WASF2: variants seen among roughly 807,000 people sequenced by gnomAD.
WASF2 encodes the protein actin-binding protein WASF2.
WASF2 carries 14 observed loss-of-function variants against 45.0 expected under a neutral mutation model. The ratio of observed to expected loss-of-function variants is 0.31; its 90% CI spans 0.21 to 0.49. The LOEUF (loss-of-function observed/expected upper bound fraction) is 0.49. Ranked by LOEUF, WASF2 falls within the 20% of genes least tolerant of loss-of-function variation. WASF2 has a pLI of 0.99. For synonymous variants in WASF2, 200 were observed against 236.3 expected (o/e 0.85, Z 1.41); for missense variants, 439 against 636.1 (o/e 0.69, Z 3.33).
chr1:27,468,643 G>A (rs1449721380), intron 1 of WASF2, among the ~76,000 whole-genome samples: 9 of 145,628 alleles, frequency 6.2e-5, no homozygotes, highest in East Asian at 4.1e-4. Flanking sequence ...CTCCGTCTCC[G>A]GGGAAAAAAA....
At chr1:27,458,855 G>A (rs1056809749) in intron 1 of WASF2, among the ~76,000 whole-genome samples, 2 of 151,936 alleles carry the variant, frequency 1.3e-5, no homozygotes, top group African/African-American at 4.8e-5. Flanking sequence ...GCCGAGCGCA[G>A]AGGCTCATGC....
At chr1:27,450,154 A>G (rs1311005689) in intron 1 of WASF2, among the ~76,000 whole-genome samples, 1 of 143,306 alleles carries the variant, frequency 7.0e-6, no homozygotes, top group African/African-American at 2.6e-5. Context: ...AAAAAAAGAA[A>G]AAAAAAATTA....
chr1:27,471,028 G>A (rs2148137481), intron 1 of WASF2, among the ~76,000 whole-genome samples: 1 of 152,316 alleles, frequency 6.6e-6, no homozygotes, highest in Non-Finnish European at 1.5e-5. Flanking sequence ...GTTACTGCAT[G>A]AAGGTTGTAA....
chr1:27,442,829 C>T (rs1004716635), intron 1 of WASF2, among the ~76,000 whole-genome samples: 4 of 151,606 alleles, frequency 2.6e-5, no homozygotes, highest in East Asian at 1.9e-4. Flanking sequence ...GGTGAAACCC[C>T]GTCTCTACTA....
intron 1 of WASF2, among the ~76,000 whole-genome samples, chr1:27,434,949 G>A (rs1488258357): frequency 3.9e-5 from 6 of 152,046 alleles, no homozygotes; most frequent in Non-Finnish European, 7.4e-5. Context: ...AAGTTATCAT[G>A]CAATTTTTTT....
At chr1:27,488,879 C>G (rs1419907174) in intron 1 of WASF2, among the ~76,000 whole-genome samples, 3 of 152,194 alleles carry the variant, frequency 2.0e-5, no homozygotes, top group Non-Finnish European at 4.4e-5. Context: ...GGGCAAATTA[C>G]TTAACTCCTC....
At chr1:27,477,904 A>AT (rs1350483321) in intron 1 of WASF2, among the ~76,000 whole-genome samples, 1 of 146,602 alleles carries the variant, frequency 6.8e-6, no homozygotes, top group Non-Finnish European at 1.5e-5. Context: ...GTCTCAAAAA[A>AT]AAAAAATAAA....
chr1:27,476,151 A>C (rs1275014752), intron 1 of WASF2, among the ~76,000 whole-genome samples: 1 of 152,210 alleles, frequency 6.6e-6, no homozygotes, highest in African/African-American at 2.4e-5. Context: ...CAGAAAACCT[A>C]CTGTTTACGA....
intron 8 of WASF2, among the ~76,000 whole-genome samples, chr1:27,408,922 C>T (rs752611134): frequency 1.3e-5 from 2 of 151,932 alleles, no homozygotes; most frequent in Non-Finnish European, 2.9e-5. Flanking sequence ...AAGGAAGACA[C>T]GAAGGGCAGA....
intron 1 of WASF2, among the ~76,000 whole-genome samples, chr1:27,442,518 A>T (rs185221379): frequency 6.6e-6 from 1 of 151,784 alleles, no homozygotes; most frequent in Non-Finnish European, 1.5e-5. Flanking sequence ...ACTCCAGCCT[A>T]GGAGACAGAG....
intron 1 of WASF2, among the ~76,000 whole-genome samples, chr1:27,468,590 G>A (rs940147981): frequency 5.3e-5 from 8 of 151,814 alleles, no homozygotes; most frequent in African/African-American, 1.5e-4. Context: ...ACAATGAGCC[G>A]AGATTGCGCC....
chr1:27,477,076 G>C (rs1354372825), intron 1 of WASF2, among the ~76,000 whole-genome samples: 1 of 152,118 alleles, frequency 6.6e-6, no homozygotes, highest in Non-Finnish European at 1.5e-5. Context: ...TGGAAACACA[G>C]AACATATTAT....
chr1:27,432,947 G>C (rs573920799), intron 1 of WASF2, among the ~76,000 whole-genome samples: 2 of 152,216 alleles, frequency 1.3e-5, no homozygotes, highest in African/African-American at 4.8e-5. Flanking sequence ...ATCTTTTATA[G>C]AGATGGGGCC....
At position 27,477,842 on chromosome 1, in the gene WASF2, T is replaced by C. The variant is rs1458291803; in HGVS notation, c.-44+12144A>G. ...TGAACCCGGGAGGCGGAGCTTGCAG[T>C]GAGCCGAGATCCCGCCACTGCACTC... On this transcript the variant is annotated intron_variant, in intron 1 of 8. Transcript: ENST00000618852. Among the ~76,000 whole-genome samples, 2 of 90,774 alleles carry C rather than the reference T, an allele frequency of 2.2e-5. 1 individual carries two copies. The highest frequency in any genetic ancestry group is 3.9e-5 in the Non-Finnish European group (2 of 51,516). 59.6% of individuals were successfully genotyped at this position (90,774 alleles called of 152,430 possible).
chr1:27,475,598 T>A (rs1479200078), intron 1 of WASF2, among the ~76,000 whole-genome samples: 22 of 152,152 alleles, frequency 1.4e-4, no homozygotes, highest in Non-Finnish European at 5.9e-5. Context: ...CTAACATACA[T>A]CACAATCTTT....
At chr1:27,461,876 A>G (rs1057169291) in intron 1 of WASF2, among the ~76,000 whole-genome samples, 2 of 152,002 alleles carry the variant, frequency 1.3e-5, no homozygotes, top group Non-Finnish European at 1.5e-5. Flanking sequence ...TTGCCCAGGC[A>G]GTCTCAAACT....
chr1:27,405,507 T>C lies in WASF2; in HGVS notation c.*2682A>G, dbSNP rs574336976. ...GCTTAGGCCCAGATTAAATAATCAC[T>C]AAACTTTGCATTCTACATTACGTGA... On this transcript the variant is annotated 3_prime_UTR_variant, in exon 9 of 9. Coordinates refer to ENST00000618852, the MANE Select transcript of WASF2 (RefSeq NM_006990.5). The C allele has an allele frequency of 6.6e-6, 1 of 150,912 alleles. No homozygotes were observed. Among genetic ancestry groups the C allele is most frequent in the African/African-American group, 2.4e-5 (1 of 41,202 alleles). 9.3% of individuals were successfully genotyped at this position (150,912 alleles called of 1,614,324 possible).
intron 1 of WASF2, among the ~76,000 whole-genome samples, chr1:27,445,243 T>C (rs2017296007): frequency 6.6e-6 from 1 of 152,164 alleles, no homozygotes; most frequent in African/African-American, 2.4e-5. Flanking sequence ...TCCTCCAATT[T>C]TCCAAGGTAA....
In WASF2 at chr1:27,414,380, T is replaced by C. The variant is rs1303477607; in HGVS notation, c.668+453A>G. Among the ~76,000 whole-genome samples the C allele has an allele frequency of 1.3e-5, 2 of 152,216 alleles. No homozygotes were observed. Among genetic ancestry groups the C allele is most frequent in the Non-Finnish European group, 2.9e-5 (2 of 68,030 alleles). Reference sequence around the variant, plus strand: ...CCTTGGCTAGCTTCTCTCCCATGACTGACAAAGGCTGACTGAAAAGTTGCT... The same window carrying C: ...CCTTGGCTAGCTTCTCTCCCATGACCGACAAAGGCTGACTGAAAAGTTGCT... On this transcript the variant is annotated intron_variant, in intron 6 of 8. Transcript: ENST00000618852. The surrounding 1 kb of genome is among the most constrained non-coding windows in gnomAD (Gnocchi z 4.1).
Sources: allele counts gnomAD v4.1 joint callset (sites outside exome capture counted in the v4.1 genomes callset), GRCh38; gene constraint gnomAD v4.1.1; non-coding constraint Gnocchi (gnomAD v3.1); transcripts MANE v1.5; gene names NCBI Gene and HGNC (gene_info 2026-07-23, HGNC 2026-07-21).